The following SYT12 variants were observed in gnomAD, a reference collection of about 807,000 sequenced individuals.
SYT12 encodes the protein synaptotagmin 12, also known as synaptotagmin-12.
SYT12 carries 27 observed loss-of-function variants against 39.5 expected under a neutral mutation model. The ratio of observed to expected loss-of-function variants is 0.68; its 90% confidence interval spans 0.50 to 0.94. SYT12 has a LOEUF of 0.94. Among genes scored for constraint, SYT12 ranks in the 40% least tolerant of loss-of-function variants. The pLI is 0.00. For missense variants in SYT12, 536 were observed against 572.6 expected (o/e 0.94, Z 0.65); for synonymous variants, 233 against 239.7 (o/e 0.97, Z 0.26).
At chr11:67,047,734 G>GGAGTTCAA (rs1293278647) in intron 7 of SYT12, among the ~76,000 whole-genome samples, 1 of 144,282 alleles carries the variant, frequency 6.9e-6, no homozygotes, top group Non-Finnish European at 1.5e-5. Flanking sequence ...CCTGAGGTCA[G>GGAGTTCAA]GAGTTCAAGA....
intron 5 of SYT12, among the ~76,000 whole-genome samples, chr11:67,044,086 G>A (rs372363333): frequency 6.6e-6 from 1 of 152,200 alleles, no homozygotes; most frequent in Non-Finnish European, 1.5e-5. Flanking sequence ...CAAAGCTTCA[G>A]AGGTTCTACC....
In SYT12 at chr11:67,044,365, C is replaced by T. The variant is rs3741191; in HGVS notation, c.838-228C>T. Among the ~76,000 whole-genome samples, 341 of 152,258 alleles carry T rather than the reference C, an allele frequency of 2.2e-3. 3 individuals are homozygous for T. The highest frequency in any genetic ancestry group is 0.018 in the East Asian group (94 of 5,174). ...CCCTCCGCCCCAGGCAGGACCCTCC[C>T]GGTGGAAGGGAGGAGTGGGGCATGC... On this transcript the variant is annotated intron_variant, in intron 5 of 7. Coordinates refer to ENST00000527043, the MANE Select transcript of SYT12 (RefSeq NM_177963.4).
exon 1 of SYT12, chr11:67,006,824 G>T (rs764093075): frequency 6.6e-6 from 1 of 152,224 alleles, no homozygotes; most frequent in Non-Finnish European, 1.5e-5. Flanking sequence ...TGGCAGAGAA[G>T]GAAAAAGGAA....
At chr11:67,029,835 AAGAG>A (rs1159875716) in intron 1 of SYT12, 4 of 336,162 alleles carry the variant, frequency 1.2e-5, no homozygotes, top group East Asian at 5.9e-5. Flanking sequence ...CTGGGCAACA[AAGAG>A]AGACTCCATC....
chr11:67,008,445 G>A (rs1404566849), intron 1 of SYT12, among the ~76,000 whole-genome samples: 1 of 151,856 alleles, frequency 6.6e-6, no homozygotes. Context: ...GCTAAGTGCA[G>A]TGTCGTGATC....
At position 67,045,811 on chromosome 11, in the gene SYT12, G is replaced by C. The variant is rs1854525690; in HGVS notation, c.1026G>C (p.Lys342Asn). The C allele has an allele frequency of 6.2e-7, 1 of 1,613,982 alleles. No homozygotes were observed. The highest frequency in any genetic ancestry group is 1.3e-5 in the African/African-American group (1 of 74,974). The part of the protein sequence containing the change: ...RKMSKKKTAV[K>N]RDDPNPVFNE... ...TGAGCAAAAAGAAGACAGCCGTGAA[G>C]AGGGATGACCCCAACCCGGTGTTCA... Residue 342 changes from lysine (K) to asparagine (N), a missense_variant, in exon 7 of 8, where the codon AAG becomes AAC. Lys to Asn is a moderately conservative substitution (Grantham distance 94, BLOSUM62 0). Transcript: ENST00000527043.
At chr11:67,009,784 T>C (rs996107423) in intron 1 of SYT12, 1 of 151,390 alleles carries the variant, frequency 6.6e-6, no homozygotes, top group Non-Finnish European at 1.5e-5. Flanking sequence ...GAAAGGGGAG[T>C]GAGTGGCTTG....
chr11:67,050,381 C>T lies in SYT12; in HGVS notation c.*1624C>T, dbSNP rs781313691. On this transcript the variant is annotated 3_prime_UTR_variant, in exon 8 of 8. Transcript: ENST00000527043. ...AGCATGGACCCTCAGGCTGGCTGCC[C>T]CTGTTCCTTGGTCCATAACTGGTGA... 1 of 152,446 alleles carries T rather than the reference C, an allele frequency of 6.6e-6. No individual in the cohort carries two copies. The highest frequency in any genetic ancestry group is 1.5e-5 in the Non-Finnish European group (1 of 68,218). 9.4% of individuals were successfully genotyped at this position (152,446 alleles called of 1,614,324 possible).
At chr11:67,033,897 AT>A (rs1307207535) in intron 2 of SYT12, among the ~76,000 whole-genome samples, 1 of 152,048 alleles carries the variant, frequency 6.6e-6, no homozygotes, top group Non-Finnish European at 1.5e-5. Context: ...GAGGTTGTTA[AT>A]TTCCGTTTTC....
At chr11:67,015,478 T>C (rs552136920) in intron 3 of SYT12, among the ~76,000 whole-genome samples, 1 of 150,886 alleles carries the variant, frequency 6.6e-6, no homozygotes, top group Non-Finnish European at 1.5e-5. Context: ...TGGTGGGGGG[T>C]TGTGGCATGA....
upstream of SYT12, among the ~76,000 whole-genome samples, chr11:67,018,684 A>C (rs1261724136): frequency 6.6e-6 from 1 of 151,994 alleles, no homozygotes; most frequent in African/African-American, 2.4e-5. Flanking sequence ...TTAGTCGGGC[A>C]TGGTGGTGAG....
chr11:67,008,889 C>T (rs1349927105), intron 1 of SYT12, among the ~76,000 whole-genome samples: 1 of 151,888 alleles, frequency 6.6e-6, no homozygotes, highest in African/African-American at 2.4e-5. Context: ...GAATGTGTAA[C>T]CTGTGGGCTG....
upstream of SYT12, among the ~76,000 whole-genome samples, chr11:67,019,115 G>C (rs918700279): frequency 7.4e-6 from 1 of 135,092 alleles, no homozygotes; most frequent in Admixed American, 8.1e-5. Context: ...AAGGCGAAAA[G>C]CACATCTTAC....
chr11:67,036,555 A>G (rs1357727023), intron 3 of SYT12, among the ~76,000 whole-genome samples: 1 of 152,200 alleles, frequency 6.6e-6, no homozygotes, highest in African/African-American at 2.4e-5. Flanking sequence ...GCCAGAATCT[A>G]TTACCAGATT....
Position 67,048,997 on chromosome 11 carries a change from G to C in SYT12, c.*240G>C, listed in dbSNP as rs1444063600. On this transcript the variant is annotated 3_prime_UTR_variant, in exon 8 of 8. Coordinates refer to ENST00000527043, the MANE Select transcript of SYT12 (RefSeq NM_177963.4). Reference sequence around the variant, plus strand: ...CAGCTGTGGCTGGGCCAGGACAGAGGACTCAACCCTGCTCCTCCCGGTAGG... The same window carrying C: ...CAGCTGTGGCTGGGCCAGGACAGAGCACTCAACCCTGCTCCTCCCGGTAGG... 4 of 454,116 alleles carry C rather than the reference G, an allele frequency of 8.8e-6. No individual in the cohort carries two copies. Among genetic ancestry groups the C allele is most frequent in the African/African-American group, 7.8e-5 (4 of 51,608 alleles). 28.1% of individuals were successfully genotyped at this position (454,116 alleles called of 1,614,324 possible). A position where few individuals can be genotyped will look rare whatever the true frequency, so the allele number is the denominator to read the frequency against.
Position 67,049,017 on chromosome 11 carries a change from G to A in SYT12, c.*260G>A, listed in dbSNP as rs953590440. 7.6e-6 allele frequency: 3 copies of A among 396,994 alleles called. No individual in the cohort carries two copies. Among genetic ancestry groups the A allele is most frequent in the East Asian group, 3.7e-5 (1 of 27,318 alleles). 24.6% of individuals were successfully genotyped at this position (396,994 alleles called of 1,614,324 possible). A position where few individuals can be genotyped will look rare whatever the true frequency, so the allele number is the denominator to read the frequency against. On this transcript the variant is annotated 3_prime_UTR_variant, in exon 8 of 8. Coordinates refer to ENST00000527043, the MANE Select transcript of SYT12 (RefSeq NM_177963.4). Reference sequence around the variant, plus strand: ...CAGAGGACTCAACCCTGCTCCTCCCGGTAGGCCAGCTGCCGAGCTGGGCTA... The same window carrying A: ...CAGAGGACTCAACCCTGCTCCTCCCAGTAGGCCAGCTGCCGAGCTGGGCTA...
In SYT12 at chr11:67,034,811, C is replaced by T. The variant is rs752300424; in HGVS notation, c.201C>T (p.Gly67=). Residue 67 remains glycine (G), a synonymous_variant, in exon 3 of 8, where the codon GGC becomes GGT. Transcript: ENST00000527043. ...YDYRYLQQKY[G]ESCAEAREKR... is the part of the protein sequence containing the mutation. ...ACAGGTACCTTCAGCAGAAGTACGG[C>T]GAGAGCTGCGCAGAGGCCAGGGAGA... 1.1e-5 allele frequency: 17 copies of T among 1,584,812 alleles called. No homozygotes were observed. The highest frequency in any genetic ancestry group is 8.2e-5 in the African/African-American group (6 of 72,958).
intron 2 of SYT12, among the ~76,000 whole-genome samples, chr11:67,010,549 C>G (rs1346963793): frequency 6.6e-6 from 1 of 152,240 alleles, no homozygotes; most frequent in African/African-American, 2.4e-5. Context: ...TCTTGCCAGG[C>G]CTGTTCCAGC....
chr11:67,046,842 T>C (rs1438258168), intron 7 of SYT12, among the ~76,000 whole-genome samples: 1 of 152,238 alleles, frequency 6.6e-6, no homozygotes, highest in African/African-American at 2.4e-5. Context: ...CCGTCCTCGG[T>C]TGTGAGTGCA....
Sources: gnomAD v4.1 joint callset for allele counts (sites outside exome capture counted in the v4.1 genomes callset) on GRCh38, gnomAD v4.1.1 for gene constraint, MANE v1.5 for transcripts, NCBI Gene and HGNC (gene_info 2026-07-23, HGNC 2026-07-21) for gene names.